The following CNTNAP3 variants were observed in gnomAD, a reference collection of about 807,000 sequenced individuals.
CNTNAP3 encodes the protein contactin associated protein family member 3.
A neutral mutation model predicts 92.1 loss-of-function variants in CNTNAP3; 36 were observed. The ratio of observed to expected loss-of-function variants is 0.39; its 90% CI spans 0.30 to 0.52. The LOEUF is 0.52. Among genes scored for constraint, CNTNAP3 ranks in the 20% least tolerant of loss-of-function variants. The pLI is 0.76. For synonymous variants in CNTNAP3, 232 were observed against 422.3 expected, an observed-to-expected ratio of 0.55 and a Z score of 5.53; for missense variants, 534 against 1,069.6, an observed-to-expected ratio of 0.50 and a Z score of 6.98.
intron 14 of CNTNAP3, among the ~76,000 whole-genome samples, chr9:39,114,999 T>C (rs1216695715): frequency 1.3e-5 from 2 of 151,198 alleles, no homozygotes; most frequent in African/African-American, 4.9e-5. Context: ...TAAATCATTA[T>C]AGTGCCTTTT....
At chr9:39,105,652 A>G (rs996898957) in intron 15 of CNTNAP3, among the ~76,000 whole-genome samples, 2 of 151,964 alleles carry the variant, frequency 1.3e-5, no homozygotes, top group Admixed American at 6.5e-5. Flanking sequence ...CCCCTTTGTC[A>G]TAACAAAATG....
chr9:39,137,593 T>A (rs370795897), intron 12 of CNTNAP3, among the ~76,000 whole-genome samples: 7 of 152,036 alleles, frequency 4.6e-5, no homozygotes, highest in African/African-American at 1.7e-4. Flanking sequence ...GCTCACTGCA[T>A]GCTCCGCCTC....
chr9:39,085,903 G>T lies in CNTNAP3; in HGVS notation c.3355-80C>A, dbSNP rs1826052734. The T allele has an allele frequency of 3.2e-6, 4 of 1,265,054 alleles. 1 individual carries two copies. Among genetic ancestry groups the T allele is most frequent in the Non-Finnish European group, 3.4e-6 (3 of 873,924 alleles). 78.4% of individuals were successfully genotyped at this position (1,265,054 alleles called of 1,614,324 possible). A position where few individuals can be genotyped will look rare whatever the true frequency, so the allele number is the denominator to read the frequency against. On this transcript the variant is annotated intron_variant, in intron 20 of 23. Coordinates refer to ENST00000297668, the MANE Select transcript of CNTNAP3 (RefSeq NM_033655.5). The stretch of plus-strand genomic sequence containing the variant: ...AAGGAAGCAAAGGAAGATGAGGAAA[G>T]GAAAGATGAAAATAAATCACTTTTA...
chr9:39,209,356 G>A (rs1324492381), intron 3 of CNTNAP3, among the ~76,000 whole-genome samples: 2 of 17,502 alleles, frequency 1.1e-4, no homozygotes, highest in African/African-American at 4.5e-4. Context: ...ACAAAGTAAA[G>A]TGTCAATAAT....
chr9:39,148,371 C>T (rs1563892550), intron 10 of CNTNAP3, among the ~76,000 whole-genome samples: 1 of 152,080 alleles, frequency 6.6e-6, no homozygotes, highest in African/African-American at 2.4e-5. Context: ...GTAGTAATTA[C>T]GTTTTTTTAG....
chr9:39,075,304 C>T (rs200769412), intron 23 of CNTNAP3, among the ~76,000 whole-genome samples: 25,565 of 147,464 alleles, frequency 0.17, 64 homozygotes, highest in East Asian at 0.29. Flanking sequence ...ATACCAGTAT[C>T]TTTATAAATT....
intron 21 of CNTNAP3, among the ~76,000 whole-genome samples, chr9:39,083,520 G>C (rs534528491): frequency 6.6e-6 from 1 of 151,828 alleles, no homozygotes; most frequent in African/African-American, 2.4e-5. Context: ...TTAGCCAGGC[G>C]TGGTGGTACA....
intron 13 of CNTNAP3, among the ~76,000 whole-genome samples, chr9:39,126,637 T>G (rs1821159473): frequency 6.6e-6 from 1 of 151,962 alleles, no homozygotes; most frequent in African/African-American, 2.4e-5. Flanking sequence ...CATTTGAAAA[T>G]TAATTAATAT....
At chr9:39,092,719 ATG>A (rs1340749757) in intron 18 of CNTNAP3, among the ~76,000 whole-genome samples, 1 of 136,420 alleles carries the variant, frequency 7.3e-6, no homozygotes, top group African/African-American at 2.7e-5. Flanking sequence ...TGTTCTACAG[ATG>A]TGTGTTAGAA....
intron 9 of CNTNAP3, among the ~76,000 whole-genome samples, chr9:39,152,694 C>T (rs115863974): frequency 7.6e-5 from 11 of 144,904 alleles, no homozygotes; most frequent in Admixed American, 2.7e-4. Context: ...CTCGTGCTGT[C>T]GCCTAGGCTG....
At chr9:39,109,087 A>G in intron 15 of CNTNAP3, 73 bp downstream of exon 15, 1 of 1,531,806 alleles carries the variant, frequency 6.5e-7, no homozygotes, top group Non-Finnish European at 8.8e-7. Context: ...GGCAAGAACA[A>G]GGGCATTTGT....
At chr9:39,101,993 G>A (rs1826468653) in intron 17 of CNTNAP3, among the ~76,000 whole-genome samples, 1 of 152,338 alleles carries the variant, frequency 6.6e-6, no homozygotes, top group African/African-American at 2.4e-5. Flanking sequence ...TAAACACTGA[G>A]ATACTGCAGG....
In CNTNAP3 at chr9:39,070,903, C is replaced by CAAG. The variant is rs1554712539; in HGVS notation, c.*2986_*2987insCTT. On this transcript the variant is annotated 3_prime_UTR_variant, in exon 24 of 24. Transcript: ENST00000297668. ...AGAATTATTGGTCAGTCTAGGCAAA[C>CAAG]AGTATCAAACAGCCTAATATGATTT... Among the ~76,000 whole-genome samples, 2 of 123,570 alleles carry CAAG rather than the reference C, an allele frequency of 1.6e-5. No individual in the cohort carries two copies. Among genetic ancestry groups the CAAG allele is most frequent in the Non-Finnish European group, 3.6e-5 (2 of 55,820 alleles). 81.1% of individuals were successfully genotyped at this position (123,570 alleles called of 152,430 possible).
At chr9:39,132,848 C>T in intron 13 of CNTNAP3, 84 bp downstream of exon 13, 1 of 1,432,984 alleles carries the variant, frequency 7.0e-7, no homozygotes, top group South Asian at 1.4e-5. Context: ...GGACCCTGGC[C>T]TTTTCTCCCT....
rs1482586409 is a variant in CNTNAP3 at position 39,096,138 on chromosome 9, T to G, written c.2995+3773A>C. ...CAATGAAAATATATACATTATATATTTGTATATTCTCTATTATAGTTTTAT... is the reference window on the plus strand; with the variant it reads ...CAATGAAAATATATACATTATATATGTGTATATTCTCTATTATAGTTTTAT... On this transcript the variant is annotated intron_variant, in intron 18 of 23. Transcript: ENST00000297668. 3.2e-5 allele frequency among the ~76,000 whole-genome samples: 4 copies of G among 123,388 alleles called. 1 individual carries two copies. Among genetic ancestry groups the G allele is most frequent in the Non-Finnish European group, 7.0e-5 (4 of 56,764 alleles). 80.9% of individuals were successfully genotyped at this position (123,388 alleles called of 152,430 possible).
At chr9:39,139,416 T>C (rs945157285) in intron 12 of CNTNAP3, among the ~76,000 whole-genome samples, 6 of 152,234 alleles carry the variant, frequency 3.9e-5, no homozygotes, top group African/African-American at 1.4e-4. Flanking sequence ...TTCAGCACAT[T>C]GCTGTGCAGG....
intron 18 of CNTNAP3, among the ~76,000 whole-genome samples, chr9:39,097,626 A>G (rs1326396280): frequency 6.6e-6 from 1 of 151,258 alleles, no homozygotes; most frequent in African/African-American, 2.4e-5. Flanking sequence ...GGATGACAAG[A>G]AATGCTGGCA....
At chr9:39,124,872 G>A (rs1158400360) in intron 13 of CNTNAP3, among the ~76,000 whole-genome samples, 1 of 152,084 alleles carries the variant, frequency 6.6e-6, no homozygotes, top group Admixed American at 6.6e-5. Context: ...GTGCAGGAGA[G>A]GATGTGGAGA....
chr9:39,121,445 C>T lies in CNTNAP3; in HGVS notation c.2081-3186G>A, dbSNP rs537202795. On this transcript the variant is annotated intron_variant, in intron 13 of 23. Transcript: ENST00000297668. ...GACGTTAAGAGTCTGGAAGTCATCGCTCCCATTCTCACAACAAGAAAAAAG... is the reference window on the plus strand; with the variant it reads ...GACGTTAAGAGTCTGGAAGTCATCGTTCCCATTCTCACAACAAGAAAAAAG... 6.1e-3 allele frequency among the ~76,000 whole-genome samples: 930 copies of T among 152,182 alleles called. 5 individuals are homozygous for T. The highest frequency in any genetic ancestry group is 0.037 in the Middle Eastern group (11 of 294).
Sources: allele counts gnomAD v4.1 joint callset (sites outside exome capture counted in the v4.1 genomes callset), GRCh38; gene constraint gnomAD v4.1.1; transcripts MANE v1.5; gene names NCBI Gene and HGNC (gene_info 2026-07-23, HGNC 2026-07-21).